Variants in CNBD2 observed in about 807,000 individuals in gnomAD.
The protein encoded by CNBD2 is cyclic nucleotide binding domain containing 2.
CNBD2 carries 64 observed loss-of-function variants against 63.7 expected under a neutral mutation model. That is an observed-to-expected ratio of 1.00 (90% CI 0.82 to 1.24). The LOEUF is 1.24. CNBD2 is among the 50% of genes most tolerant of loss of function. The probability of loss-of-function intolerance (pLI) is 0.00; values close to 1 mark genes in which losing one functional copy is unlikely to be tolerated. For synonymous variants in CNBD2, 229 were observed against 255.4 expected, an observed-to-expected ratio of 0.90 and a Z score of 0.99; for missense variants, 691 against 713.5, an observed-to-expected ratio of 0.97 and a Z score of 0.36.
At chr20:36,000,715 C>T (rs537107901) in intron 8 of CNBD2, among the ~76,000 whole-genome samples, 4 of 149,542 alleles carry the variant, frequency 2.7e-5, no homozygotes, top group East Asian at 3.9e-4. Flanking sequence ...TCCACCACCA[C>T]GCCTGGCTAA....
intron 8 of CNBD2, among the ~76,000 whole-genome samples, chr20:36,001,997 C>T (rs1325278626): frequency 1.2e-4 from 19 of 152,242 alleles, no homozygotes; most frequent in South Asian, 4.2e-4. Flanking sequence ...GACGGGGTGG[C>T]GGCCGGGCAG....
Position 35,987,382 on chromosome 20 carries a change from G to T in CNBD2, c.717-13G>T. On this transcript the variant is annotated splice_polypyrimidine_tract_variant and intron_variant, in intron 6 of 11. Coordinates refer to ENST00000373973, the MANE Select transcript of CNBD2 (RefSeq NM_001365709.1). ...TGATGGAGTTGATGAATTCTAACAG[G>T]CTCTTCCCACAGGAAGATGGAGCTG... 1 of 1,613,776 alleles carries T rather than the reference G, an allele frequency of 6.2e-7. No homozygotes were observed. The highest frequency in any genetic ancestry group is 8.5e-7 in the Non-Finnish European group (1 of 1,179,896).
At chr20:35,963,715 C>T (rs1219290047), upstream of CNBD2, among the ~76,000 whole-genome samples, 2 of 152,076 alleles carry the variant, frequency 1.3e-5, no homozygotes, top group African/African-American at 2.4e-5. Context: ...AAAGATTATT[C>T]ATAAAAATCT....
At chr20:36,010,436 C>T (rs1181765622) in intron 9 of CNBD2, among the ~76,000 whole-genome samples, 2 of 143,460 alleles carry the variant, frequency 1.4e-5, no homozygotes, top group Non-Finnish European at 3.0e-5. Flanking sequence ...AAGAGCAAAA[C>T]TCTGTCTCAA....
chr20:35,997,991 T>TG (rs1164443490), intron 8 of CNBD2, among the ~76,000 whole-genome samples: 3 of 152,000 alleles, frequency 2.0e-5, no homozygotes, highest in Non-Finnish European at 2.9e-5. Flanking sequence ...TCCAAGCATT[T>TG]GGGGGATTAT....
intron 11 of CNBD2, among the ~76,000 whole-genome samples, chr20:36,028,007 A>C (rs1465139009): frequency 6.6e-6 from 1 of 152,158 alleles, no homozygotes; most frequent in East Asian, 1.9e-4. Context: ...TGATATGTAG[A>C]TAAGGCCAAC....
intron 3 of CNBD2, among the ~76,000 whole-genome samples, chr20:35,977,361 G>A (rs981591380): frequency 2.6e-5 from 4 of 152,144 alleles, no homozygotes; most frequent in Non-Finnish European, 5.9e-5. Flanking sequence ...AGCCCAGCTG[G>A]AGGCTCATTT....
chr20:35,986,789 A>G (rs2056673361), intron 6 of CNBD2, among the ~76,000 whole-genome samples: 1 of 152,174 alleles, frequency 6.6e-6, no homozygotes, highest in Non-Finnish European at 1.5e-5. Flanking sequence ...GGAGCAGCAT[A>G]TGAAGGCAGG....
intron 3 of CNBD2, among the ~76,000 whole-genome samples, chr20:35,980,154 G>T (rs1010719549): frequency 3.3e-5 from 5 of 152,300 alleles, no homozygotes; most frequent in African/African-American, 1.2e-4. Context: ...AGCCTGTATT[G>T]CCTGGGAAGG....
chr20:35,957,314 C>T (rs770945725), downstream of CNBD2, among the ~76,000 whole-genome samples: 2 of 152,144 alleles, frequency 1.3e-5, no homozygotes, highest in Non-Finnish European at 2.9e-5. Flanking sequence ...TGGCCGGGCG[C>T]GGTGGCTCAT....
intron 3 of CNBD2, among the ~76,000 whole-genome samples, chr20:35,978,506 T>G (rs2056552752): frequency 6.6e-6 from 1 of 152,022 alleles, no homozygotes; most frequent in Non-Finnish European, 1.5e-5. Context: ...CACCACGCCC[T>G]GCTAATTTTT....
rs553581625 is a variant in CNBD2, at chr20:36,007,189, A to AAAATAAATAAAT, written c.971-1089_971-1078dup. On this transcript the variant is annotated intron_variant, in intron 8 of 11. Coordinates refer to ENST00000373973, the MANE Select transcript of CNBD2 (RefSeq NM_001365709.1). ...GGGCGACAGAGTGAGAATCCTCTCA[A>AAAATAAATAAAT]AAATAAATAAATAAATAAATAAATA... is the stretch of plus-strand genomic sequence containing the variant. 5.4e-3 allele frequency among the ~76,000 whole-genome samples: 822 copies of AAAATAAATAAAT among 151,718 alleles called. 7 individuals carry two copies. The highest frequency in any genetic ancestry group is 0.019 in the African/African-American group (777 of 41,102).
chr20:36,013,545 A>T (rs776314459), intron 10 of CNBD2, among the ~76,000 whole-genome samples: 5 of 152,250 alleles, frequency 3.3e-5, no homozygotes, highest in Non-Finnish European at 7.3e-5. Flanking sequence ...TGGGGGGAAA[A>T]GATGCTGACT....
intron 2 of CNBD2, among the ~76,000 whole-genome samples, chr20:35,963,179 A>G (rs1161742121): frequency 6.6e-6 from 1 of 151,980 alleles, no homozygotes; most frequent in African/African-American, 2.4e-5. Context: ...CCAGATCTCT[A>G]CAAATTAAAA....
chr20:35,975,820 G>C (rs1224741499), intron 2 of CNBD2, 129 bp from the exon 3 acceptor site: 6 of 746,020 alleles, frequency 8.0e-6, no homozygotes, highest in South Asian at 5.5e-5. Flanking sequence ...TGAAAGGGCC[G>C]GCTGCTATGA....
upstream of CNBD2, chr20:35,954,572 C>G: frequency 6.9e-7 from 1 of 1,459,420 alleles, no homozygotes; most frequent in Non-Finnish European, 9.2e-7. Context: ...CTAGCGTTCT[C>G]GAGTCGCATG....
intron 7 of CNBD2, 36 bp from the exon 8 acceptor site, chr20:35,995,002 G>T: frequency 6.8e-7 from 1 of 1,462,736 alleles, no homozygotes; most frequent in African/African-American, 1.4e-5. Flanking sequence ...GAGCCTTAGG[G>T]GTTAACCCTT....
chr20:35,970,762 T>C (rs951287633), intron 1 of CNBD2, among the ~76,000 whole-genome samples: 1 of 149,486 alleles, frequency 6.7e-6, no homozygotes, highest in Admixed American at 6.6e-5. Flanking sequence ...GTTACCCAGG[T>C]TGGAGTGCAG....
intron 11 of CNBD2, among the ~76,000 whole-genome samples, chr20:36,027,211 C>A (rs908418713): frequency 6.6e-6 from 1 of 152,114 alleles, no homozygotes; most frequent in Non-Finnish European, 1.5e-5. Context: ...TCTTTACTTG[C>A]GGTGATATTG....
Sources: allele counts gnomAD v4.1 joint callset (sites outside exome capture counted in the v4.1 genomes callset), GRCh38; gene constraint gnomAD v4.1.1; transcripts MANE v1.5; gene names NCBI Gene and HGNC (gene_info 2026-07-23, HGNC 2026-07-21).